The following CCNB3 variants were observed in gnomAD, a reference collection of about 807,000 sequenced individuals.
The protein encoded by CCNB3 is cyclin B3, also known as G2/mitotic-specific cyclin-B3.
CCNB3 carries 12 observed loss-of-function variants against 68.0 expected under a neutral mutation model. The observed-to-expected ratio is 0.18, with a 90% CI of 0.11 to 0.29. The LOEUF (loss-of-function observed/expected upper bound fraction) is 0.29. Among genes scored for constraint, CCNB3 ranks in the 10% least tolerant of loss-of-function variants. The pLI, the probability that CCNB3 is intolerant of heterozygous loss-of-function variation, is 1.00. For missense variants in CCNB3, 904 were observed against 993.1 expected, an observed-to-expected ratio of 0.91 and a Z score of 1.21; for synonymous variants, 354 against 388.9, an observed-to-expected ratio of 0.91 and a Z score of 1.06.
Position 50,224,437 on chromosome X carries a change from A to G in CCNB3, c.-113+19487A>G, listed in dbSNP as rs1192954016. On this transcript the variant is annotated intron_variant, in intron 1 of 12. Transcript: ENST00000376042. ...CAGTGTCCTCTCTGGATGGTACCCA[A>G]AGAAAAGTTTAAGTCAACTGGAGGT... is the stretch of plus-strand genomic sequence containing the variant. 2.7e-5 allele frequency among the ~76,000 whole-genome samples: 3 copies of G among 111,802 alleles called. No individual in the cohort carries two copies. In the Admixed American group the frequency reaches 2.9e-4, roughly 11 times the overall value.
chrX:50,283,812 T>C (rs1486124164), intron 1 of CCNB3, among the ~76,000 whole-genome samples: 6 of 110,990 alleles, frequency 5.4e-5, no homozygotes, highest in Admixed American at 3.9e-4. Context: ...TGTTACTTCC[T>C]TTGTGAAGCC....
At chrX:50,296,068 G>A (rs73495613) in intron 5 of CCNB3, among the ~76,000 whole-genome samples, 2,582 of 111,007 alleles carry the variant, frequency 0.023, 65 homozygotes, top group African/African-American at 0.081. Flanking sequence ...AATTCTCTGC[G>A]TTATTTTCTT....
rs1936423932 is a variant in CCNB3, at chrX:50,294,945, A to G, written c.287A>G (p.Asn96Ser). ...GTTGTTTCCAAGAAGATAAACAGGA[A>G]CACACATGCTCTTGGACTGGCCAAA... is the stretch of plus-strand genomic sequence containing the variant. ...VKVVSKKINRNTHALGLAKKN... is the reference protein window; with the variant it reads ...VKVVSKKINRSTHALGLAKKN... Residue 96 changes from asparagine to serine, a missense_variant, in exon 5 of 13, where the codon AAC becomes AGC. By Grantham distance (46) the Asn-to-Ser change is conservative. Transcript: ENST00000376042. The G allele has an allele frequency of 1.7e-6, 2 of 1,210,476 alleles. No homozygotes were observed. The highest frequency in any genetic ancestry group is 2.2e-6 in the Non-Finnish European group (2 of 894,598).
At chrX:50,215,971 CAG>C (rs1406699496) in intron 1 of CCNB3, among the ~76,000 whole-genome samples, 1 of 64,678 alleles carries the variant, frequency 1.5e-5, no homozygotes, top group Non-Finnish European at 2.6e-5. Context: ...TTTTTTGAGA[CAG>C]AGTCTCCCTC....
At chrX:50,350,912 G>T (rs1923646532) in intron 11 of CCNB3, among the ~76,000 whole-genome samples, 2 of 110,304 alleles carry the variant, frequency 1.8e-5, no homozygotes, top group Non-Finnish European at 3.8e-5. Context: ...GCCCAGACTG[G>T]TCTTGAATTC....
intron 1 of CCNB3, among the ~76,000 whole-genome samples, chrX:50,218,042 G>T (rs1411565332): frequency 9.0e-6 from 1 of 111,642 alleles, no homozygotes; most frequent in African/African-American, 3.3e-5. Context: ...TATTTGCATC[G>T]ACAGTGAATA....
intron 1 of CCNB3, among the ~76,000 whole-genome samples, chrX:50,222,309 T>C (rs1935685955): frequency 9.0e-6 from 1 of 111,658 alleles, no homozygotes; most frequent in Non-Finnish European, 1.9e-5. Flanking sequence ...CCTGTCATTA[T>C]GATCCTAGCT....
chrX:50,217,087 G>A, intron 1 of CCNB3, among the ~76,000 whole-genome samples: 1 of 110,544 alleles, frequency 9.0e-6, no homozygotes, highest in Non-Finnish European at 1.9e-5. Flanking sequence ...AGGAAAGTCT[G>A]TTGAATTGAC....
chrX:50,225,115 T>C (rs1190479274), intron 1 of CCNB3, among the ~76,000 whole-genome samples: 1 of 111,275 alleles, frequency 9.0e-6, no homozygotes, highest in Non-Finnish European at 1.9e-5. Flanking sequence ...CTTAAAAAGT[T>C]AAGGGACTGA....
At chrX:50,315,731 G>T (rs983640204) in intron 8 of CCNB3, among the ~76,000 whole-genome samples, 2 of 111,388 alleles carry the variant, frequency 1.8e-5, no homozygotes, top group African/African-American at 6.5e-5. Flanking sequence ...TCGCCACAAG[G>T]ATCCCTCATG....
intron 8 of CCNB3, among the ~76,000 whole-genome samples, chrX:50,322,481 C>T (rs1219860396): frequency 9.0e-6 from 1 of 111,307 alleles, no homozygotes; most frequent in Admixed American, 9.5e-5. Flanking sequence ...AGAAGAAAAC[C>T]TAGGCAATAC....
chrX:50,317,292 G>A (rs1440241568), intron 8 of CCNB3, among the ~76,000 whole-genome samples: 3 of 111,880 alleles, frequency 2.7e-5, no homozygotes, highest in Non-Finnish European at 3.8e-5. Flanking sequence ...CAAGTTACGA[G>A]AGTTCTTTAT....
intron 1 of CCNB3, among the ~76,000 whole-genome samples, chrX:50,211,290 C>T (rs1935478549): frequency 9.0e-6 from 1 of 110,977 alleles, no homozygotes; most frequent in South Asian, 3.8e-4. Flanking sequence ...CAAAACAAAA[C>T]ACAAAAACCT....
intron 1 of CCNB3, among the ~76,000 whole-genome samples, chrX:50,205,189 C>T (rs1312821138): frequency 8.9e-6 from 1 of 112,415 alleles, no homozygotes; most frequent in African/African-American, 3.2e-5. Flanking sequence ...CGCCTGTAAT[C>T]CCAGCACTTT....
chrX:50,227,369 T>C lies in CCNB3; in HGVS notation c.-113+22419T>C, dbSNP rs1020854862. ...TATATATATAAATATACTCACAGAA[T>C]ATATATAAATATATACATAGATATA... On this transcript the variant is annotated intron_variant, in intron 1 of 12. Transcript: ENST00000376042. Among the ~76,000 whole-genome samples the C allele has an allele frequency of 4.3e-4, 33 of 77,400 alleles. 1 individual carries two copies. Among genetic ancestry groups the C allele is most frequent in the African/African-American group, 1.6e-3 (32 of 19,872 alleles). The allele number at this position is 77,400 out of a possible 115,157, so 67.2% of individuals were successfully genotyped here.
intron 1 of CCNB3, among the ~76,000 whole-genome samples, chrX:50,222,177 T>A (rs1935684311): frequency 9.0e-6 from 1 of 111,389 alleles, no homozygotes; most frequent in African/African-American, 3.3e-5. Context: ...ATGTGATGGG[T>A]TTCCTGAATA....
chrX:50,348,811 AC>A (rs1923532380), intron 11 of CCNB3, among the ~76,000 whole-genome samples: 1 of 112,090 alleles, frequency 8.9e-6, no homozygotes, highest in Non-Finnish European at 1.9e-5. Flanking sequence ...CACAATCCAA[AC>A]CAACTGTGTA....
chrX:50,306,216 G>A (rs782026279), intron 5 of CCNB3, among the ~76,000 whole-genome samples: 11 of 110,522 alleles, frequency 1.0e-4, no homozygotes, highest in Non-Finnish European at 2.1e-4. Context: ...TTATTTCTAA[G>A]CATTTTCTTC....
At chrX:50,314,867 A>G (rs1298259405) in intron 8 of CCNB3, among the ~76,000 whole-genome samples, 1 of 111,591 alleles carries the variant, frequency 9.0e-6, no homozygotes, top group Non-Finnish European at 1.9e-5. Context: ...TAACATTCTC[A>G]TTAGTAATGT....
Sources: allele counts gnomAD v4.1 joint callset (sites outside exome capture counted in the v4.1 genomes callset), GRCh38; gene constraint gnomAD v4.1.1; transcripts MANE v1.5; gene names NCBI Gene and HGNC (gene_info 2026-07-23, HGNC 2026-07-21).